The following ACAT2 variants were observed in gnomAD, a reference collection of about 807,000 sequenced individuals.
ACAT2 encodes acetyl-CoA acetyltransferase 2, also known as acetyl-CoA acetyltransferase, cytosolic.
ACAT2 carries 26 observed loss-of-function variants against 37.1 expected under a neutral mutation model. The observed-to-expected ratio is 0.70, with a 90% CI of 0.51 to 0.97. ACAT2 has a LOEUF of 0.97. Among genes scored for constraint, ACAT2 ranks in the 50% least tolerant of loss-of-function variants. The pLI is 0.00. For synonymous variants in ACAT2, 156 were observed against 163.6 expected, an observed-to-expected ratio of 0.95 and a Z score of 0.35; for missense variants, 468 against 489.0, an observed-to-expected ratio of 0.96 and a Z score of 0.40.
chr6:159,776,617 AT>A (rs1206882290), intron 6 of ACAT2, among the ~76,000 whole-genome samples: 1 of 152,236 alleles, frequency 6.6e-6, no homozygotes, highest in African/African-American at 2.4e-5. Flanking sequence ...GAAAGAATTA[AT>A]TTGGTTTCTT....
At chr6:159,771,908 C>CACA (rs546836983) in intron 4 of ACAT2, among the ~76,000 whole-genome samples, 2,534 of 151,880 alleles carry the variant, frequency 0.017, 38 homozygotes, top group Non-Finnish European at 0.024. Context: ...AACATAGTGA[C>CACA]ACAACAACAA....
At chr6:159,768,439 G>A (rs1780287922) in intron 3 of ACAT2, 72 bp from the exon 4 acceptor site, 1 of 1,121,026 alleles carries the variant, frequency 8.9e-7, no homozygotes, top group Non-Finnish European at 1.4e-6. Flanking sequence ...ATACTAGATA[G>A]TTTTGAGTTG....
chr6:159,762,583 C>T (rs1562474099), intron 1 of ACAT2: 1 of 1,362,920 alleles, frequency 7.3e-7, no homozygotes, highest in Non-Finnish European at 9.6e-7. Flanking sequence ...TCGTCTCCTT[C>T]GTGCCGCATG....
rs143819983 is a variant in ACAT2, at chr6:159,775,319, T to C, written c.634+6T>C. ...TTTGGTGTCAACTAGAAAAGGTGAG[T>C]ATATCATAGTGGTTTAAACATCAAC... On this transcript the variant is annotated splice_donor_region_variant and intron_variant, in intron 5 of 8. Coordinates refer to ENST00000367048, the MANE Select transcript of ACAT2 (RefSeq NM_005891.3). The C allele has an allele frequency of 4.1e-5, 66 of 1,613,792 alleles. No individual in the cohort carries two copies. The East Asian group carries it at 1.5e-3, about 36-fold the overall frequency.
intron 2 of ACAT2, among the ~76,000 whole-genome samples, chr6:159,765,186 G>A (rs1780233959): frequency 6.6e-6 from 1 of 151,350 alleles, no homozygotes; most frequent in Non-Finnish European, 1.5e-5. Flanking sequence ...CGCAATCTTG[G>A]CTCACTGCAA....
intron 1 of ACAT2, 133 bp from the exon 2 acceptor site, chr6:159,762,786 A>G (rs1414081279): frequency 6.3e-7 from 1 of 1,592,370 alleles, no homozygotes; most frequent in Non-Finnish European, 8.5e-7. Context: ...AGGTGTAGGA[A>G]CGTGTGGGAG....
chr6:159,762,274 G>A, intron 1 of ACAT2, 132 bp downstream of exon 1: 1 of 1,304,104 alleles, frequency 7.7e-7, no homozygotes, highest in Non-Finnish European at 1.0e-6. Context: ...AGGAGCCGCG[G>A]GATCCCTGGA....
intron 1 of ACAT2, 54 bp from the exon 2 acceptor site, chr6:159,762,865 T>G: frequency 6.3e-7 from 1 of 1,598,504 alleles, no homozygotes; most frequent in Non-Finnish European, 8.5e-7. Flanking sequence ...CGTAGGTGGT[T>G]CCCGTATTAC....
chr6:159,766,342 C>G (rs1475083455), intron 2 of ACAT2, among the ~76,000 whole-genome samples: 1 of 151,934 alleles, frequency 6.6e-6, no homozygotes, highest in African/African-American at 2.4e-5. Context: ...CTGATAATGC[C>G]TAGGTTATAT....
At chr6:159,762,514 G>A in intron 1 of ACAT2, 2 of 1,304,404 alleles carry the variant, frequency 1.5e-6, no homozygotes, top group South Asian at 1.5e-5. Context: ...CTGCTAGGTG[G>A]TCTGAGCCCG....
intron 5 of ACAT2, 87 bp from the exon 6 acceptor site, chr6:159,776,063 A>G (rs932427448): frequency 1.8e-5 from 26 of 1,449,788 alleles, no homozygotes; most frequent in Non-Finnish European, 2.3e-5. Context: ...ATGAATCCTC[A>G]TGTTTAATGG....
chr6:159,775,381 A>G, intron 5 of ACAT2, 68 bp downstream of exon 5: 1 of 1,516,822 alleles, frequency 6.6e-7, no homozygotes, highest in Non-Finnish European at 9.0e-7. Flanking sequence ...AAAGAGTAAT[A>G]CATAGGAATC....
chr6:159,766,209 G>A (rs1050100887), intron 2 of ACAT2, among the ~76,000 whole-genome samples: 2 of 152,310 alleles, frequency 1.3e-5, no homozygotes, highest in Middle Eastern at 3.4e-3. Flanking sequence ...TAAGCATAGT[G>A]TAATGAATAC....
Position 159,778,288 on chromosome 6 carries a change from T to C in ACAT2, c.1023+8T>C, listed in dbSNP as rs369576253. 11 of 1,572,504 alleles carry C rather than the reference T, an allele frequency of 7.0e-6. No homozygotes were observed. Among genetic ancestry groups the C allele is most frequent in the African/African-American group, 1.4e-5 (1 of 73,714 alleles). The stretch of plus-strand genomic sequence containing the variant: ...GGATTAAACCCAGAGAAGGTAAAGA[T>C]GCACAAGTAACCCTGAGAGCTTACC... On this transcript the variant is annotated splice_region_variant and intron_variant, in intron 8 of 8. Transcript: ENST00000367048.
chr6:159,771,996 C>T (rs1780345317), intron 4 of ACAT2, among the ~76,000 whole-genome samples: 1 of 152,108 alleles, frequency 6.6e-6, no homozygotes, highest in Admixed American at 6.5e-5. Context: ...GAGGCCGAGG[C>T]GGGCGGATCA....
At chr6:159,771,964 G>C (rs537969930) in intron 4 of ACAT2, among the ~76,000 whole-genome samples, 26 of 152,144 alleles carry the variant, frequency 1.7e-4, no homozygotes, top group Admixed American at 1.4e-3. Context: ...GGTGGCTCAC[G>C]CCTGTAATCC....
intron 7 of ACAT2, 35 bp downstream of exon 7, chr6:159,777,491 TCTTC>T: frequency 1.9e-6 from 3 of 1,591,032 alleles, no homozygotes; most frequent in Non-Finnish European, 2.6e-6. Flanking sequence ...ATGAAATTTG[TCTTC>T]CTGTTAGCCT....
chr6:159,764,027 G>A (rs1001318385), intron 2 of ACAT2, among the ~76,000 whole-genome samples: 1 of 151,288 alleles, frequency 6.6e-6, no homozygotes, highest in Non-Finnish European at 1.5e-5. Flanking sequence ...CGTGAACCCG[G>A]GAGGCGGAGC....
Position 159,777,386 on chromosome 6 carries a change from T to G in ACAT2, c.842T>G (p.Val281Gly), listed in dbSNP as rs1265218220. The stretch of plus-strand genomic sequence containing the variant: ...GGGCTTACACCTTTAGCACGGATAG[T>G]TTCCTGGTCCCAAGTGGGTGTGGAG... ...KRGLTPLARI[V>G]SWSQVGVEPS... Residue 281 changes from valine (V) to glycine (G), a missense_variant, in exon 7 of 9, where the codon GTT becomes GGT. Coordinates refer to ENST00000367048, the MANE Select transcript of ACAT2 (RefSeq NM_005891.3). 1 of 1,614,218 alleles carries G rather than the reference T, an allele frequency of 6.2e-7. No homozygotes were observed. The highest frequency in any genetic ancestry group is 8.5e-7 in the Non-Finnish European group (1 of 1,180,028).
Sources: allele counts gnomAD v4.1 joint callset (sites outside exome capture counted in the v4.1 genomes callset), GRCh38; gene constraint gnomAD v4.1.1; transcripts MANE v1.5; gene names NCBI Gene and HGNC (gene_info 2026-07-23, HGNC 2026-07-21).